EDIL3: variants seen among roughly 807,000 people sequenced by gnomAD.
EDIL3 encodes EGF-like repeat and discoidin I-like domain-containing protein 3.
A neutral mutation model predicts 67.4 loss-of-function variants in EDIL3; 37 were observed. That is an observed-to-expected ratio of 0.55 (90% CI 0.42 to 0.72). The LOEUF (loss-of-function observed/expected upper bound fraction) is 0.72. Ranked by LOEUF, EDIL3 falls within the 30% of genes least tolerant of loss-of-function variation. The probability of loss-of-function intolerance (pLI) is 0.00; values close to 1 mark genes in which losing one functional copy is unlikely to be tolerated. For synonymous variants in EDIL3, 195 were observed against 196.3 expected (o/e 0.99, Z 0.05); for missense variants, 527 against 586.3 (o/e 0.90, Z 1.04).
At chr5:83,943,917 G>A (rs1272444439) in intron 10 of EDIL3, among the ~76,000 whole-genome samples, 2 of 151,982 alleles carry the variant, frequency 1.3e-5, no homozygotes, top group Non-Finnish European at 2.9e-5. Context: ...CTTCCACGGG[G>A]TGACTCAGAG....
chr5:84,094,654 C>A (rs1484760010), intron 6 of EDIL3, among the ~76,000 whole-genome samples: 1 of 152,008 alleles, frequency 6.6e-6, no homozygotes, highest in African/African-American at 2.4e-5. Flanking sequence ...ATGATTAGTT[C>A]TTTTTTTGTA....
chr5:84,017,034 C>T (rs1387947220), intron 9 of EDIL3, among the ~76,000 whole-genome samples: 2 of 152,116 alleles, frequency 1.3e-5, no homozygotes, highest in Non-Finnish European at 2.9e-5. Context: ...TCAGTTTCCT[C>T]GTGTACAAAG....
chr5:84,369,071 T>C (rs1380842956), intron 1 of EDIL3, among the ~76,000 whole-genome samples: 1 of 151,584 alleles, frequency 6.6e-6, no homozygotes, highest in Non-Finnish European at 1.5e-5. Context: ...CTCCAAAAAT[T>C]AAAAATAGAA....
chr5:84,015,346 G>T (rs1388562065), intron 9 of EDIL3, among the ~76,000 whole-genome samples: 1 of 152,200 alleles, frequency 6.6e-6, no homozygotes, highest in Non-Finnish European at 1.5e-5. Flanking sequence ...GGCAGAGTTA[G>T]AAATGAAATG....
Position 84,064,796 on chromosome 5 carries a change from T to C in EDIL3, c.856A>G (p.Thr286Ala). The change falls in exon 8 of 11, where the codon ACA (threonine) becomes GCA (alanine). Residue 286 changes from threonine (T) to alanine (A), a missense_variant. By Grantham distance (58) the Thr-to-Ala change is moderately conservative (BLOSUM62 0). Transcript: ENST00000296591. ...DNNTPYANSF[T>A]PPIKAQYVRL... ...ACATACTGAGCTTTTATGGGGGGTG[T>C]GAAAGAGTTAGCATATGGAGTGTTG... is the stretch of plus-strand genomic sequence containing the variant. 6.2e-7 allele frequency: 1 copy of C among 1,613,908 alleles called. No individual in the cohort carries two copies. The highest frequency in any genetic ancestry group is 8.5e-7 in the Non-Finnish European group (1 of 1,179,836).
intron 10 of EDIL3, among the ~76,000 whole-genome samples, chr5:83,943,995 G>C (rs1744270695): frequency 6.6e-6 from 1 of 152,004 alleles, no homozygotes; most frequent in South Asian, 2.1e-4. Flanking sequence ...AAGGGGCAAG[G>C]GGAGGGAGAG....
intron 3 of EDIL3, among the ~76,000 whole-genome samples, chr5:84,187,939 A>C (rs1743499259): frequency 6.6e-6 from 1 of 152,026 alleles, no homozygotes; most frequent in Non-Finnish European, 1.5e-5. Flanking sequence ...TTTGAATATG[A>C]AGAAAGACGT....
At chr5:84,289,318 A>G (rs533731786) in intron 1 of EDIL3, among the ~76,000 whole-genome samples, 1 of 152,316 alleles carries the variant, frequency 6.6e-6, no homozygotes, top group East Asian at 1.9e-4. Flanking sequence ...CCCTTAAATT[A>G]GCAAAACAGC....
intron 1 of EDIL3, among the ~76,000 whole-genome samples, chr5:84,278,058 T>C (rs1236222018): frequency 6.6e-6 from 1 of 152,158 alleles, no homozygotes; most frequent in Non-Finnish European, 1.5e-5. Flanking sequence ...ACAGCTCATA[T>C]CAATCACGTA....
At chr5:84,323,104 G>T (rs1746683026) in intron 1 of EDIL3, among the ~76,000 whole-genome samples, 1 of 151,988 alleles carries the variant, frequency 6.6e-6, no homozygotes, top group African/African-American at 2.4e-5. Context: ...CATAATTTAA[G>T]ATATTAATAC....
chr5:84,027,536 A>G (rs1321115087), intron 9 of EDIL3, among the ~76,000 whole-genome samples: 2 of 138,368 alleles, frequency 1.4e-5, no homozygotes, highest in Non-Finnish European at 3.2e-5. Context: ...TTTTTATGGG[A>G]CACCATCCAT....
chr5:84,236,852 A>G (rs1744692745), intron 2 of EDIL3, among the ~76,000 whole-genome samples: 1 of 152,084 alleles, frequency 6.6e-6, no homozygotes, highest in Non-Finnish European at 1.5e-5. Flanking sequence ...GGGCAAATAA[A>G]ACGAAGAAAC....
intron 5 of EDIL3, among the ~76,000 whole-genome samples, chr5:84,111,087 G>A (rs1001211816): frequency 1.3e-5 from 2 of 152,020 alleles, no homozygotes; most frequent in African/African-American, 2.4e-5. Context: ...TGTGTGGCAC[G>A]TCTCTCTTCA....
chr5:84,085,538 C>T (rs1747054069), intron 6 of EDIL3, among the ~76,000 whole-genome samples: 2 of 152,218 alleles, frequency 1.3e-5, no homozygotes. Flanking sequence ...CTGCCTGCTT[C>T]TTCCTCTGGA....
In EDIL3 at chr5:84,238,161, G is replaced by T. The variant is rs1561231004; in HGVS notation, c.197-8277C>A. Among the ~76,000 whole-genome samples, 4 of 152,068 alleles carry T rather than the reference G, an allele frequency of 2.6e-5. No individual in the cohort carries two copies. In the South Asian group the frequency reaches 6.2e-4, roughly 24 times the overall value. The stretch of plus-strand genomic sequence containing the variant: ...CTTGGCAAACGGTGTGTGTGTGTGT[G>T]TATGTGTGTGTGTGTCACAACCAAG... On this transcript the variant is annotated intron_variant, in intron 2 of 10. Coordinates refer to ENST00000296591, the MANE Select transcript of EDIL3 (RefSeq NM_005711.5).
At chr5:84,038,131 C>T (rs1243583457) in intron 9 of EDIL3, among the ~76,000 whole-genome samples, 1 of 151,560 alleles carries the variant, frequency 6.6e-6, no homozygotes, top group African/African-American at 2.4e-5. Context: ...GCCTCCTACA[C>T]AGCTGGGATC....
At chr5:84,240,021 A>T (rs1223280185) in intron 2 of EDIL3, among the ~76,000 whole-genome samples, 1 of 152,210 alleles carries the variant, frequency 6.6e-6, no homozygotes, top group African/African-American at 2.4e-5. Flanking sequence ...TTAAAAGTTT[A>T]CAGCTGTTTC....
At chr5:84,201,871 A>G (rs2112378890) in intron 3 of EDIL3, among the ~76,000 whole-genome samples, 1 of 152,266 alleles carries the variant, frequency 6.6e-6, no homozygotes, top group African/African-American at 2.4e-5. Flanking sequence ...GAGAGAGTGC[A>G]CTTCATGCTA....
At chr5:84,182,085 C>T (rs141422587) in intron 3 of EDIL3, among the ~76,000 whole-genome samples, 1 of 151,848 alleles carries the variant, frequency 6.6e-6, no homozygotes, top group Non-Finnish European at 1.5e-5. Context: ...GGGTATTGAA[C>T]AGAGAGTGCT....
Sources: allele counts gnomAD v4.1 joint callset (sites outside exome capture counted in the v4.1 genomes callset), GRCh38; gene constraint gnomAD v4.1.1; transcripts MANE v1.5; gene names NCBI Gene and HGNC (gene_info 2026-07-23, HGNC 2026-07-21).